NEMF: variants seen among roughly 807,000 people sequenced by gnomAD.
NEMF encodes nuclear export mediator factor.
A neutral mutation model predicts 162.2 loss-of-function variants in NEMF; 89 were observed. The ratio of observed to expected loss-of-function variants is 0.55; its 90% CI spans 0.46 to 0.65. The LOEUF (loss-of-function observed/expected upper bound fraction) is 0.65, where lower values mean the gene tolerates loss of function less well. Ranked by LOEUF, NEMF falls within the 30% of genes least tolerant of loss-of-function variation. NEMF has a pLI of 0.00. For missense variants in NEMF, 1,133 were observed against 1,261.9 expected (o/e 0.90, Z 1.55); for synonymous variants, 421 against 404.5 (o/e 1.04, Z -0.49).
At chr14:49,832,406 A>T in intron 8 of NEMF, 129 bp from the exon 9 acceptor site, 1 of 605,384 alleles carries the variant, frequency 1.7e-6, no homozygotes, top group Non-Finnish European at 2.8e-6. Context: ...TTCTCGGCTC[A>T]CTGCAACCTC....
Position 49,789,621 on chromosome 14 carries a change from T to C in NEMF, c.2620-48A>G, listed in dbSNP as rs780096737. 1.1e-5 allele frequency: 17 copies of C among 1,585,554 alleles called. 1 individual carries two copies. In the South Asian group the frequency reaches 1.9e-4, roughly 17 times the overall value. ...TTGGAAATATTCAGCAGCAAAAAAA[T>C]GTCAACAAATACTTGCAAAGAAATG... On this transcript the variant is annotated intron_variant, in intron 26 of 32. Coordinates refer to ENST00000298310, the MANE Select transcript of NEMF (RefSeq NM_004713.6).
At chr14:49,811,283 T>G (rs1406948324) in intron 18 of NEMF, among the ~76,000 whole-genome samples, 1 of 152,236 alleles carries the variant, frequency 6.6e-6, no homozygotes, top group East Asian at 1.9e-4. Flanking sequence ...ATACAACTGA[T>G]TTTTGTTTAC....
At chr14:49,813,074 C>T (rs3100915) in intron 18 of NEMF, among the ~76,000 whole-genome samples, 144,194 of 152,226 alleles carry the variant, frequency 0.95, 68,811 homozygotes, top group East Asian at 1. Flanking sequence ...CGCATCCAGC[C>T]GAGGCTTGTT....
At chr14:49,848,217 C>T (rs954308826) in intron 3 of NEMF, among the ~76,000 whole-genome samples, 5 of 151,992 alleles carry the variant, frequency 3.3e-5, no homozygotes, top group African/African-American at 1.2e-4. Context: ...TTCCTGGTAT[C>T]GTCTCTAAGC....
intron 23 of NEMF, among the ~76,000 whole-genome samples, 173 bp from the exon 24 acceptor site, chr14:49,799,851 T>C (rs1244120270): frequency 1.3e-5 from 2 of 152,214 alleles, no homozygotes; most frequent in African/African-American, 2.4e-5. Flanking sequence ...CACTTCCATA[T>C]ACATTTTTAA....
At chr14:49,797,109 C>T (rs752234745) in intron 25 of NEMF, among the ~76,000 whole-genome samples, 1 of 152,200 alleles carries the variant, frequency 6.6e-6, no homozygotes, top group Non-Finnish European at 1.5e-5. Context: ...TATACTTCAC[C>T]TCTTTGTATA....
intron 11 of NEMF, among the ~76,000 whole-genome samples, chr14:49,829,674 A>G (rs945685859): frequency 1.3e-5 from 2 of 152,248 alleles, no homozygotes; most frequent in African/African-American, 2.4e-5. Flanking sequence ...TACTGTGTAT[A>G]TAAGATATAC....
intron 18 of NEMF, among the ~76,000 whole-genome samples, chr14:49,809,200 CTT>C: frequency 6.6e-6 from 1 of 152,286 alleles, no homozygotes; most frequent in African/African-American, 2.4e-5. Flanking sequence ...GAACTGAAAA[CTT>C]ATATCTGTAC....
chr14:49,795,802 G>C lies in NEMF; in HGVS notation c.2608C>G (p.Arg870Gly). The C allele has an allele frequency of 1.9e-6, 3 of 1,610,304 alleles. No individual in the cohort carries two copies. The highest frequency in any genetic ancestry group is 1.7e-6 in the Non-Finnish European group (2 of 1,179,186). ...KNVAAVQPMK[R>G]GQKSKMKKMK... The stretch of plus-strand genomic sequence containing the variant: ...ATCCTGAAGTTTACCTTTTGTCCTC[G>C]TTTCATTGGCTGCACAGCCGCAACA... The change falls in exon 26 of 33, where the codon CGA becomes GGA. Residue 870 changes from arginine to glycine, a missense_variant. By Grantham distance (125) the Arg-to-Gly change is moderately radical. This residue lies in a region of NEMF where 532 missense variants were observed against 578.6 expected (regional missense o/e 0.92). Transcript: ENST00000298310.
At chr14:49,851,898 T>G in intron 1 of NEMF, 23 bp from the exon 2 acceptor site, 1 of 1,426,074 alleles carries the variant, frequency 7.0e-7, no homozygotes, top group Non-Finnish European at 9.7e-7. Context: ...AGGAAACATG[T>G]AACATGTTAC....
chr14:49,798,625 T>C (rs529382555), intron 25 of NEMF, among the ~76,000 whole-genome samples: 2 of 152,274 alleles, frequency 1.3e-5, no homozygotes, highest in African/African-American at 2.4e-5. Context: ...AAATGTTAAG[T>C]GGGCCAGGCG....
At chr14:49,805,733 T>C (rs1028845444) in intron 19 of NEMF, among the ~76,000 whole-genome samples, 1 of 152,140 alleles carries the variant, frequency 6.6e-6, no homozygotes, top group Non-Finnish European at 1.5e-5. Context: ...TGTATAATTG[T>C]GTGGATCACT....
At position 49,828,603 on chromosome 14, in the gene NEMF, T is replaced by C; in HGVS notation, c.1424+13A>G. ...ATAACACTTGGCCTAAAATGTAAAG[T>C]TAAATGACTTACTTTTTGGCATTGG... is the stretch of plus-strand genomic sequence containing the variant. On this transcript the variant is annotated intron_variant, in intron 14 of 32. Transcript: ENST00000298310. 1.3e-6 allele frequency: 2 copies of C among 1,528,844 alleles called. No individual in the cohort carries two copies. Among genetic ancestry groups the C allele is most frequent in the Non-Finnish European group, 1.7e-6 (2 of 1,143,708 alleles). 94.7% of individuals were successfully genotyped at this position (1,528,844 alleles called of 1,614,324 possible). A position where few individuals can be genotyped will look rare whatever the true frequency, so the allele number is the denominator to read the frequency against.
intron 29 of NEMF, 82 bp from the exon 30 acceptor site, chr14:49,785,402 A>T: frequency 1.1e-6 from 1 of 898,296 alleles, no homozygotes; most frequent in Non-Finnish European, 1.9e-6. Flanking sequence ...TTAGTATCTC[A>T]ACATATTTTT....
In NEMF at chr14:49,845,075, A is replaced by AAGTTAGTTAGTT. The variant is rs34544224; in HGVS notation, c.357+1053_357+1064dup. ...TGAGCCACCACACCTGGCCCAGATT[A>AAGTTAGTTAGTT]AGTTAGTTAGTTAGTTAGTTAGTTA... On this transcript the variant is annotated intron_variant, in intron 4 of 32. Transcript: ENST00000298310. 3.8e-3 allele frequency among the ~76,000 whole-genome samples: 563 copies of AAGTTAGTTAGTT among 149,290 alleles called. 4 individuals are homozygous for AAGTTAGTTAGTT. The highest frequency in any genetic ancestry group is 0.013 in the African/African-American group (536 of 40,418).
rs746353626 is a variant in NEMF at position 49,795,926 on chromosome 14, TTTTTTC to T, written c.2478_2483del (p.Lys827_Lys828del). On this transcript the variant is annotated inframe_deletion, in exon 26 of 33. Transcript: ENST00000298310. ...CTAAATCTCCTGAGTCACTTGGAAG[TTTTTTC>T]TTTTTCATTTCCCTGAATAAAAAAG... The T allele has an allele frequency of 5.6e-6, 9 of 1,593,290 alleles. No individual in the cohort carries two copies. Among genetic ancestry groups the T allele is most frequent in the African/African-American group, 4.1e-5 (3 of 73,262 alleles).
chr14:49,800,714 G>T lies in NEMF; in HGVS notation c.2096-18C>A, dbSNP rs754796543. 2 of 1,605,300 alleles carry T rather than the reference G, an allele frequency of 1.2e-6. No homozygotes were observed. Among genetic ancestry groups the T allele is most frequent in the Non-Finnish European group, 1.7e-6 (2 of 1,175,396 alleles). Reference sequence around the variant, plus strand: ...ACCTCCATCTGTAGAATTATCATAAGGAAAGTCAGTGTGGGACTACCAACC... The same window carrying T: ...ACCTCCATCTGTAGAATTATCATAATGAAAGTCAGTGTGGGACTACCAACC... On this transcript the variant is annotated intron_variant, in intron 22 of 32. Transcript: ENST00000298310.
At chr14:49,789,812 AAAG>A (rs1422401468) in intron 26 of NEMF, among the ~76,000 whole-genome samples, 1 of 152,246 alleles carries the variant, frequency 6.6e-6, no homozygotes, top group Non-Finnish European at 1.5e-5. Context: ...AACAAAACAT[AAAG>A]AACTGTGAGG....
intron 3 of NEMF, among the ~76,000 whole-genome samples, chr14:49,850,363 C>T (rs761337110): frequency 3.3e-5 from 5 of 152,188 alleles, no homozygotes; most frequent in Non-Finnish European, 5.9e-5. Context: ...GTTGGAATTA[C>T]AGGCATGAGC....
Sources: allele counts gnomAD v4.1 joint callset (sites outside exome capture counted in the v4.1 genomes callset), GRCh38; gene constraint gnomAD v4.1.1; regional missense constraint gnomAD v4.1.1; transcripts MANE v1.5; gene names NCBI Gene and HGNC (gene_info 2026-07-23, HGNC 2026-07-21).